KAZN: variants seen among roughly 807,000 people sequenced by gnomAD.
KAZN encodes the protein kazrin.
A neutral mutation model predicts 87.4 loss-of-function variants in KAZN; 40 were observed. The ratio of observed to expected loss-of-function variants is 0.46; its 90% CI spans 0.36 to 0.60. The LOEUF (loss-of-function observed/expected upper bound fraction) is 0.60, where lower values mean the gene tolerates loss of function less well. KAZN is among the 20% of genes least tolerant of loss of function. The probability of loss-of-function intolerance (pLI) is 0.00; values close to 1 mark genes in which losing one functional copy is unlikely to be tolerated. For missense variants in KAZN, 898 were observed against 1,073.9 expected, an observed-to-expected ratio of 0.84 and a Z score of 2.29; for synonymous variants, 466 against 458.3, an observed-to-expected ratio of 1.02 and a Z score of -0.22.
intron 1 of KAZN, among the ~76,000 whole-genome samples, chr1:13,933,094 G>A (rs997509909): frequency 1.3e-4 from 19 of 151,988 alleles, no homozygotes; most frequent in South Asian, 4.2e-4. Context: ...TGACTATCAC[G>A]TAAACTCAAG....
intron 1 of KAZN, among the ~76,000 whole-genome samples, chr1:14,807,266 G>A (rs2100768168): frequency 6.6e-6 from 1 of 152,288 alleles, no homozygotes; most frequent in African/African-American, 2.4e-5. Flanking sequence ...CCTGGAAGAG[G>A]CAGCAGCCAC....
At chr1:14,252,677 C>A (rs1272648563) in intron 2 of KAZN, among the ~76,000 whole-genome samples, 1 of 152,194 alleles carries the variant, frequency 6.6e-6, no homozygotes, top group African/African-American at 2.4e-5. Context: ...TTAAACAAAT[C>A]TTTAGACATA....
chr1:14,365,371 G>A (rs1402446806), intron 2 of KAZN, among the ~76,000 whole-genome samples: 3 of 87,408 alleles, frequency 3.4e-5, no homozygotes, highest in Non-Finnish European at 6.7e-5. Flanking sequence ...CCCGGGGTGG[G>A]GGGGGGGGGG....
intron 1 of KAZN, among the ~76,000 whole-genome samples, chr1:13,899,690 C>A (rs1403330777): frequency 3.4e-5 from 5 of 146,524 alleles, no homozygotes; most frequent in African/African-American, 1.3e-4. Context: ...GTCGCCCAGG[C>A]TGGAGTGCAG....
At chr1:14,192,264 T>C (rs1037589672) in intron 2 of KAZN, among the ~76,000 whole-genome samples, 11 of 152,264 alleles carry the variant, frequency 7.2e-5, no homozygotes, top group Non-Finnish European at 1.5e-4. Context: ...ACATGAGGAA[T>C]TTTGAATGAT....
chr1:14,883,348 A>AGGGAGGGAGGGAGGG (rs1557586257), intron 1 of KAZN, among the ~76,000 whole-genome samples: 1 of 31,910 alleles, frequency 3.1e-5, no homozygotes, highest in Non-Finnish European at 6.7e-5. Flanking sequence ...GAGAGAAAGA[A>AGGGAGGGAGGGAGGG]AGAAAGAAAA....
chr1:14,708,261 G>A (rs1171773625), intron 1 of KAZN, among the ~76,000 whole-genome samples: 2 of 152,212 alleles, frequency 1.3e-5, no homozygotes, highest in Non-Finnish European at 2.9e-5. Flanking sequence ...TGCCAGAGGT[G>A]TGGTTGGAAT....
At chr1:14,540,167 A>C (rs566825715) in intron 2 of KAZN, among the ~76,000 whole-genome samples, 2 of 152,184 alleles carry the variant, frequency 1.3e-5, no homozygotes, top group Non-Finnish European at 2.9e-5. Context: ...CTTTCAGGGA[A>C]ATCAACGTTT....
At chr1:14,453,993 A>G (rs1667425042) in intron 2 of KAZN, among the ~76,000 whole-genome samples, 1 of 152,224 alleles carries the variant, frequency 6.6e-6, no homozygotes, top group Admixed American at 6.5e-5. Context: ...TACAGCATGT[A>G]TTTTTAGGAC....
chr1:14,955,752 C>T (rs550779652), intron 1 of KAZN, among the ~76,000 whole-genome samples: 1 of 152,348 alleles, frequency 6.6e-6, no homozygotes, highest in Admixed American at 6.5e-5. Flanking sequence ...CCAGCTCCAT[C>T]TCACTCTCTG....
chr1:15,044,142 G>A lies in KAZN; in HGVS notation c.709G>A (p.Glu237Lys). The A allele has an allele frequency of 1.9e-6, 3 of 1,608,104 alleles. No individual in the cohort carries two copies. The highest frequency in any genetic ancestry group is 2.5e-6 in the Non-Finnish European group (3 of 1,177,110). Reference sequence around the variant, plus strand: ...CAAGGACAACCGGATGAAGGAGCTGGAGGCCGAGCTGGCCATGGTGAGAAC... The same window carrying A: ...CAAGGACAACCGGATGAAGGAGCTGAAGGCCGAGCTGGCCATGGTGAGAAC... ...DLKDNRMKEL[E>K]AELAMAKQSL... Residue 237 changes from glutamate to lysine, a missense_variant, in exon 4 of 15, where the codon GAG becomes AAG. Physicochemically the swap from Glu to Lys is moderately conservative, Grantham distance 56 (BLOSUM62 1). Transcript: ENST00000376030.
chr1:14,831,746 C>A (rs962134755), intron 1 of KAZN, among the ~76,000 whole-genome samples: 2 of 152,154 alleles, frequency 1.3e-5, no homozygotes, highest in Non-Finnish European at 2.9e-5. Context: ...AGGGAAATGA[C>A]AAGCGACTGT....
chr1:14,352,059 C>T (rs1450020340), intron 2 of KAZN, among the ~76,000 whole-genome samples: 1 of 152,144 alleles, frequency 6.6e-6, no homozygotes, highest in Non-Finnish European at 1.5e-5. Context: ...GTGTTTATTT[C>T]TCTATTGCAG....
intron 1 of KAZN, among the ~76,000 whole-genome samples, chr1:14,853,468 C>G (rs1395127428): frequency 6.6e-6 from 1 of 152,182 alleles, no homozygotes; most frequent in East Asian, 1.9e-4. Context: ...CCCCATTTCT[C>G]AGATGGGGCA....
chr1:14,579,245 T>C (rs1675378121), intron 2 of KAZN, among the ~76,000 whole-genome samples: 1 of 152,184 alleles, frequency 6.6e-6, no homozygotes, highest in Non-Finnish European at 1.5e-5. Flanking sequence ...TAATTAGATT[T>C]CTATGAGATA....
intron 1 of KAZN, among the ~76,000 whole-genome samples, chr1:14,144,006 C>A (rs145492787): frequency 6.6e-6 from 1 of 152,146 alleles, no homozygotes; most frequent in African/African-American, 2.4e-5. Flanking sequence ...GCATGAGTCA[C>A]CGCACCTGGC....
chr1:14,651,834 A>G (rs769965744), intron 1 of KAZN, among the ~76,000 whole-genome samples: 1 of 152,182 alleles, frequency 6.6e-6, no homozygotes, highest in African/African-American at 2.4e-5. Context: ...TAAATGGCCA[A>G]TGTGGCTCAA....
At chr1:14,388,394 C>T (rs915819334) in intron 2 of KAZN, among the ~76,000 whole-genome samples, 17 of 152,184 alleles carry the variant, frequency 1.1e-4, no homozygotes, top group African/African-American at 3.9e-4. Flanking sequence ...CCCTGAATAG[C>T]CAAGGCTATC....
intron 2 of KAZN, among the ~76,000 whole-genome samples, chr1:14,550,703 TTCTCTCTCTCTCTCTCTC>T (rs150591627): frequency 2.6e-5 from 1 of 38,590 alleles, no homozygotes; most frequent in East Asian, 1.1e-3. Flanking sequence ...CTCTCCTCTT[TTCTCTCTCTCTCTCTCTC>T]TCTCTCTCTC....
Sources: gnomAD v4.1 joint callset for allele counts (sites outside exome capture counted in the v4.1 genomes callset) on GRCh38, gnomAD v4.1.1 for gene constraint, MANE v1.5 for transcripts, NCBI Gene and HGNC (gene_info 2026-07-23, HGNC 2026-07-21) for gene names.